Variants in EFR3B observed in about 807,000 individuals in gnomAD.
EFR3B encodes the protein EFR3 homolog B.
In EFR3B, 64 loss-of-function variants were observed where a neutral mutation model predicts 104.7. That is an observed-to-expected ratio of 0.61 (90% confidence interval 0.50 to 0.75). EFR3B has a LOEUF of 0.75. Ranked by LOEUF, EFR3B falls within the 30% of genes least tolerant of loss-of-function variation. The pLI is 0.00. For missense variants in EFR3B, 750 were observed against 1,078.5 expected (o/e 0.70, Z 4.27); for synonymous variants, 385 against 417.9 (o/e 0.92, Z 0.96).
chr2:25,080,142 G>A, intron 1 of EFR3B: 1 of 1,210,126 alleles, frequency 8.3e-7, no homozygotes. Context: ...TAACATCACA[G>A]TGCATGATTC....
In EFR3B at chr2:25,141,370, T is replaced by C. The variant is rs1240306462; in HGVS notation, c.1859T>C (p.Ile620Thr). 1.3e-6 allele frequency: 2 copies of C among 1,551,400 alleles called. No homozygotes were observed. Among genetic ancestry groups the C allele is most frequent in the Non-Finnish European group, 1.7e-6 (2 of 1,146,852 alleles). The change falls in exon 17 of 23, where the codon ATA becomes ACA. Residue 620 changes from isoleucine to threonine, a missense_variant. Transcript: ENST00000403714. ...CTGATTCCTCCCAACCGCCAGGTGATAGAGACCAGGAAGAAAGAGGCTCCA... is the reference window on the plus strand; with the variant it reads ...CTGATTCCTCCCAACCGCCAGGTGACAGAGACCAGGAAGAAAGAGGCTCCA... ...PAFCQHIHEV[I>T]ETRKKEAPYM...
At chr2:25,108,331 G>A (rs552329280) in intron 4 of EFR3B, among the ~76,000 whole-genome samples, 1 of 152,200 alleles carries the variant, frequency 6.6e-6, no homozygotes, top group East Asian at 1.9e-4. Context: ...CATGTCTTGA[G>A]GACAGTGTCA....
chr2:25,144,909 C>T, intron 18 of EFR3B, 51 bp from the exon 19 acceptor site: 1 of 1,519,106 alleles, frequency 6.6e-7, no homozygotes, highest in Non-Finnish European at 8.9e-7. Context: ...CAGCTCAGTC[C>T]TGGATCTCTG....
At chr2:25,125,799 A>T (rs887223701) in intron 5 of EFR3B, among the ~76,000 whole-genome samples, 2 of 152,244 alleles carry the variant, frequency 1.3e-5, no homozygotes, top group African/African-American at 2.4e-5. Flanking sequence ...ATACAAAAAA[A>T]TAGCCAGGCG....
At chr2:25,065,089 GGGGCA>G (rs1231766367) in intron 1 of EFR3B, among the ~76,000 whole-genome samples, 2 of 151,218 alleles carry the variant, frequency 1.3e-5, no homozygotes, top group African/African-American at 2.4e-5. Flanking sequence ...CGGGGGGGGC[GGGGCA>G]CACCAAGGCA....
intron 4 of EFR3B, among the ~76,000 whole-genome samples, chr2:25,104,160 C>T (rs2149191748): frequency 6.6e-6 from 1 of 151,392 alleles, no homozygotes; most frequent in South Asian, 2.1e-4. Flanking sequence ...CCAGCCTGGC[C>T]AACATGGCAA....
chr2:25,136,202 C>T lies in EFR3B; in HGVS notation c.1485-321C>T, dbSNP rs1440040228. ...GTGTGGTGGCTCACACCTGTGGTCC[C>T]AGCTCTTTGGGAGGCTGAGTTGGGA... On this transcript the variant is annotated intron_variant, in intron 13 of 22. Transcript: ENST00000403714. This position sits in a 1 kb window ranked among gnomAD's most constrained non-coding sequence, Gnocchi z 4.0. Among the ~76,000 whole-genome samples the T allele has an allele frequency of 6.6e-6, 1 of 152,062 alleles. No individual in the cohort carries two copies. The highest frequency in any genetic ancestry group is 1.9e-4 in the East Asian group (1 of 5,176).
At chr2:25,110,943 T>C (rs1669709554) in intron 4 of EFR3B, among the ~76,000 whole-genome samples, 1 of 152,232 alleles carries the variant, frequency 6.6e-6, no homozygotes, top group Non-Finnish European at 1.5e-5. Context: ...ATTCATGACA[T>C]TGACTTTTTG....
Position 25,088,790 on chromosome 2 carries a change from G to A in EFR3B, c.8-2535G>A, listed in dbSNP as rs187462587. Among the ~76,000 whole-genome samples, 392 of 152,324 alleles carry A rather than the reference G, an allele frequency of 2.6e-3. 3 individuals are homozygous for A. Among genetic ancestry groups the A allele is most frequent in the Admixed American group, 4.2e-3 (64 of 15,308 alleles). On this transcript the variant is annotated intron_variant, in intron 1 of 22. Transcript: ENST00000403714. ...AGGATTTGACCTGAGAGCCCATGCT[G>A]TTGGCCACGCTGCCTCCCTAGCCCC...
Position 25,121,230 on chromosome 2 carries a change from A to C in EFR3B, c.364-443A>C, listed in dbSNP as rs185752042. Among the ~76,000 whole-genome samples, 197 of 152,296 alleles carry C rather than the reference A, an allele frequency of 1.3e-3. 1 individual carries two copies. Among genetic ancestry groups the C allele is most frequent in the African/African-American group, 4.7e-3 (196 of 41,568 alleles). ...CTCCAGTTTCTAACAATAAAGTGTA[A>C]TTACATTTTAAAGTCAAATTTCAGA... is the stretch of plus-strand genomic sequence containing the variant. On this transcript the variant is annotated intron_variant, in intron 4 of 22. Transcript: ENST00000403714.
At chr2:25,063,129 G>A (rs1026787022) in intron 1 of EFR3B, among the ~76,000 whole-genome samples, 4 of 141,994 alleles carry the variant, frequency 2.8e-5, no homozygotes, top group East Asian at 2.2e-4. Context: ...TAGTAGAGAC[G>A]GGGTTTCACC....
chr2:25,119,914 T>C (rs1669967253), intron 4 of EFR3B, among the ~76,000 whole-genome samples: 1 of 152,192 alleles, frequency 6.6e-6, no homozygotes, highest in South Asian at 2.1e-4. Context: ...CTAGATACTT[T>C]TGGGAAGAAT....
Position 25,130,198 on chromosome 2 carries a change from G to A in EFR3B, c.770+89G>A. ...CATCTCCTGGCTGGCTGGGGGGAAGGGGATATTACAGTTGTGGTGCCGCAG... is the reference window on the plus strand; with the variant it reads ...CATCTCCTGGCTGGCTGGGGGGAAGAGGATATTACAGTTGTGGTGCCGCAG... On this transcript the variant is annotated intron_variant, in intron 7 of 22. Transcript: ENST00000403714. The surrounding 1 kb of genome is among the most constrained non-coding windows in gnomAD (Gnocchi z 4.6). The A allele has an allele frequency of 6.6e-7, 1 of 1,524,638 alleles. No homozygotes were observed. The allele number at this position is 1,524,638 out of a possible 1,614,324, so 94.4% of individuals were successfully genotyped here.
rs537393995 is a variant in EFR3B, at chr2:25,156,588, C to G, written c.*2248C>G. 6.6e-6 allele frequency: 1 copy of G among 152,220 alleles called. No homozygotes were observed. The highest frequency in any genetic ancestry group is 1.5e-5 in the Non-Finnish European group (1 of 68,108). The allele number at this position is 152,220 out of a possible 1,614,324, so 9.4% of individuals were successfully genotyped here. A position where few individuals can be genotyped will look rare whatever the true frequency, so the allele number is the denominator to read the frequency against. ...CTGGGATTACAGGCGTGAGCCACTG[C>G]GCCTGCTTGGCACGTGGCTTCTGAA... On this transcript the variant is annotated 3_prime_UTR_variant, in exon 23 of 23. Coordinates refer to ENST00000403714, the MANE Select transcript of EFR3B (RefSeq NM_014971.2).
rs1243503925 is a variant in EFR3B, at chr2:25,131,585, G to T, written c.985+82G>T. 14 of 1,521,118 alleles carry T rather than the reference G, an allele frequency of 9.2e-6. No homozygotes were observed. The Admixed American group carries it at 2.9e-4, about 32-fold the overall frequency. The allele number at this position is 1,521,118 out of a possible 1,614,324, so 94.2% of individuals were successfully genotyped here. A position where few individuals can be genotyped will look rare whatever the true frequency, so the allele number is the denominator to read the frequency against. ...TACAGAGAGAGGCAAGGGACAACAGGGAGGGGTCGGAGTCCGTTTTCCTCG... is the reference window on the plus strand; with the variant it reads ...TACAGAGAGAGGCAAGGGACAACAGTGAGGGGTCGGAGTCCGTTTTCCTCG... On this transcript the variant is annotated intron_variant, in intron 9 of 22. Transcript: ENST00000403714. This position sits in a 1 kb window ranked among gnomAD's most constrained non-coding sequence, Gnocchi z 7.6.
intron 5 of EFR3B, among the ~76,000 whole-genome samples, chr2:25,124,350 G>A (rs1670105556): frequency 7.0e-6 from 1 of 142,824 alleles, no homozygotes; most frequent in South Asian, 2.2e-4. Context: ...AGGGTCAGTG[G>A]ATCAGTATTA....
intron 3 of EFR3B, among the ~76,000 whole-genome samples, chr2:25,099,425 G>A (rs559356911): frequency 5.3e-5 from 8 of 152,146 alleles, no homozygotes; most frequent in Admixed American, 5.2e-4. Context: ...TCTGTGGATA[G>A]AGCACACCTT....
intron 5 of EFR3B, among the ~76,000 whole-genome samples, chr2:25,127,191 C>CAAAAAAAAAA (rs57818903): frequency 5.8e-5 from 3 of 51,734 alleles, no homozygotes; most frequent in Non-Finnish European, 1.0e-4. Flanking sequence ...GACTCCACCT[C>CAAAAAAAAAA]AAAAAAAAAA....
chr2:25,142,180 C>T (rs903216853), intron 17 of EFR3B, among the ~76,000 whole-genome samples: 3 of 151,558 alleles, frequency 2.0e-5, no homozygotes, highest in African/African-American at 4.8e-5. Context: ...CAGTGACTCA[C>T]GCCTGTAATC....
Sources: allele counts gnomAD v4.1 joint callset (sites outside exome capture counted in the v4.1 genomes callset), GRCh38; gene constraint gnomAD v4.1.1; non-coding constraint Gnocchi (gnomAD v3.1); transcripts MANE v1.5; gene names NCBI Gene and HGNC (gene_info 2026-07-23, HGNC 2026-07-21).